HEXA: variants seen among roughly 807,000 people sequenced by gnomAD.
HEXA encodes the protein hexosaminidase subunit alpha.
HEXA carries 54 observed loss-of-function variants against 73.3 expected under a neutral mutation model. That is an observed-to-expected ratio of 0.74 (90% CI 0.59 to 0.92). HEXA has a LOEUF of 0.92. HEXA is among the 40% of genes least tolerant of loss of function. The pLI is 0.00. For missense variants in HEXA, 649 were observed against 653.0 expected (o/e 0.99, Z 0.07); for synonymous variants, 230 against 246.9 (o/e 0.93, Z 0.64).
At position 72,364,300 on chromosome 15, in the gene HEXA, G is replaced by GA. The variant is rs376639920; in HGVS notation, c.254-7684dup. ...AACCCCAAAACAAAAAACAAAAACA[G>GA]AAAAAAAAAATGGGATCCTAATACT... On this transcript the variant is annotated intron_variant, in intron 1 of 13. Coordinates refer to ENST00000268097, the MANE Select transcript of HEXA (RefSeq NM_000520.6). Among the ~76,000 whole-genome samples, 150 of 145,580 alleles carry GA rather than the reference G, an allele frequency of 1.0e-3. 2 individuals are homozygous for GA. The highest frequency in any genetic ancestry group is 3.5e-3 in the Middle Eastern group (1 of 288).
intron 8 of HEXA, among the ~76,000 whole-genome samples, 175 bp from the exon 9 acceptor site, chr15:72,348,309 G>T (rs777210056): frequency 2.6e-5 from 4 of 152,200 alleles, no homozygotes; most frequent in Non-Finnish European, 1.5e-5. Context: ...TGTGAAGCAG[G>T]TGGGCTGTTG....
chr15:72,366,581 G>C (rs907809348), intron 1 of HEXA, among the ~76,000 whole-genome samples: 1 of 152,114 alleles, frequency 6.6e-6, no homozygotes, highest in Non-Finnish European at 1.5e-5. Context: ...AAAGTGCTGG[G>C]ATTACAGGTG....
At chr15:72,365,250 C>G (rs187021870) in intron 1 of HEXA, among the ~76,000 whole-genome samples, 1 of 151,996 alleles carries the variant, frequency 6.6e-6, no homozygotes, top group African/African-American at 2.4e-5. Context: ...CCACCGTGCC[C>G]GGCTAATTTT....
intron 1 of HEXA, chr15:72,362,591 T>A: frequency 2.4e-6 from 1 of 409,808 alleles, no homozygotes; most frequent in South Asian, 1.8e-5. Context: ...ACCTAGTATT[T>A]CTGAAATCCT....
At chr15:72,372,424 A>T (rs2089006138) in intron 1 of HEXA, among the ~76,000 whole-genome samples, 1 of 152,194 alleles carries the variant, frequency 6.6e-6, no homozygotes. Context: ...GGACTTTATC[A>T]GCTCCATCAA....
At chr15:72,355,488 T>G in intron 3 of HEXA, 71 bp downstream of exon 3, 1 of 1,080,636 alleles carries the variant, frequency 9.3e-7, no homozygotes, top group Non-Finnish European at 1.4e-6. Context: ...ACTGGGCCAC[T>G]GCACTCCACC....
chr15:72,375,191 C>T (rs1441835855), intron 1 of HEXA, among the ~76,000 whole-genome samples: 7 of 151,924 alleles, frequency 4.6e-5, no homozygotes, highest in Non-Finnish European at 8.8e-5. Flanking sequence ...TGGGTTCAAC[C>T]GATTCTCCTG....
At chr15:72,358,925 C>T (rs1296179662) in intron 1 of HEXA, 2 of 152,310 alleles carry the variant, frequency 1.3e-5, no homozygotes, top group Admixed American at 6.5e-5. Flanking sequence ...GTAGTACAGC[C>T]GCCTCTACAC....
chr15:72,355,383 G>GCCAA, intron 3 of HEXA, 176 bp downstream of exon 3: 1 of 662,300 alleles, frequency 1.5e-6, no homozygotes, highest in Non-Finnish European at 2.8e-6. Context: ...AGAATTAGCT[G>GCCAA]GGCATGGTGG....
intron 8 of HEXA, 113 bp from the exon 9 acceptor site, chr15:72,348,247 A>C: frequency 2.6e-6 from 2 of 761,302 alleles, no homozygotes; most frequent in East Asian, 2.6e-5. Context: ...AAAATCAAAT[A>C]AGCAAGGATC....
chr15:72,363,439 C>A (rs139553768), intron 1 of HEXA, among the ~76,000 whole-genome samples: 84 of 152,264 alleles, frequency 5.5e-4, no homozygotes, highest in African/African-American at 2.0e-3. Context: ...CACCAAGCTA[C>A]CAAGAGGAGA....
At chr15:72,364,383 T>C (rs2088890158) in intron 1 of HEXA, among the ~76,000 whole-genome samples, 2 of 152,210 alleles carry the variant, frequency 1.3e-5, no homozygotes, top group Admixed American at 1.3e-4. Flanking sequence ...TTAATGTCAA[T>C]ATATATAGAT....
chr15:72,363,970 G>A (rs1452474783), intron 1 of HEXA, among the ~76,000 whole-genome samples: 2 of 151,996 alleles, frequency 1.3e-5, no homozygotes, highest in African/African-American at 4.8e-5. Flanking sequence ...ATAAAAATGG[G>A]CCCAGGCTAG....
At chr15:72,366,115 C>T (rs2088913058) in intron 1 of HEXA, among the ~76,000 whole-genome samples, 1 of 152,108 alleles carries the variant, frequency 6.6e-6, no homozygotes, top group Non-Finnish European at 1.5e-5. Flanking sequence ...CACCACTTCC[C>T]CTACAACATG....
rs759741558 is a variant in HEXA at position 72,343,983 on chromosome 15, A to C, written c.*94T>G. On this transcript the variant is annotated 3_prime_UTR_variant, in exon 14 of 14. Coordinates refer to ENST00000268097, the MANE Select transcript of HEXA (RefSeq NM_000520.6). The stretch of plus-strand genomic sequence containing the variant: ...CAGGGGCACGCAGGCAAGGGGCACG[A>C]AGGCAAGGGGCTCCGTCCCCTGGCC... The C allele has an allele frequency of 1.5e-4, 166 of 1,086,016 alleles. No individual in the cohort carries two copies. The highest frequency in any genetic ancestry group is 2.2e-4 in the Non-Finnish European group (157 of 704,376). The allele number at this position is 1,086,016 out of a possible 1,614,324, so 67.3% of individuals were successfully genotyped here.
rs1204984002 is a variant in HEXA at position 72,345,557 on chromosome 15, G to A, written c.1422-7C>T. The A allele has an allele frequency of 2.5e-6, 4 of 1,613,986 alleles. No individual in the cohort carries two copies. Among genetic ancestry groups the A allele is most frequent in the Non-Finnish European group, 3.4e-6 (4 of 1,180,026 alleles). On this transcript the variant is annotated splice_polypyrimidine_tract_variant and splice_region_variant and intron_variant, in intron 12 of 13. Transcript: ENST00000268097. Reference sequence around the variant, plus strand: ...AACAGCCCCTGCTCTGGGCCTGGAGGAAAAGGGGCATGTGCCAGATTGGGC... The same window carrying A: ...AACAGCCCCTGCTCTGGGCCTGGAGAAAAAGGGGCATGTGCCAGATTGGGC...
intron 7 of HEXA, 70 bp from the exon 8 acceptor site, chr15:72,349,329 G>T: frequency 8.2e-7 from 1 of 1,223,646 alleles, no homozygotes; most frequent in Non-Finnish European, 1.2e-6. Context: ...CTACACGTAA[G>T]GACACGAGTC....
At chr15:72,348,209 CCCCCT>C in intron 8 of HEXA, 75 bp from the exon 9 acceptor site, 7 of 956,922 alleles carry the variant, frequency 7.3e-6, no homozygotes, top group Non-Finnish European at 1.2e-5. Context: ...AGTCACCTGG[CCCCCT>C]ATAACTTCCT....
chr15:72,361,567 T>C (rs1467793264), intron 1 of HEXA, among the ~76,000 whole-genome samples: 2 of 152,098 alleles, frequency 1.3e-5, no homozygotes, highest in Non-Finnish European at 2.9e-5. Flanking sequence ...ATAAAACTAA[T>C]CTAACTCTTC....
Sources: gnomAD v4.1 joint callset for allele counts (sites outside exome capture counted in the v4.1 genomes callset) on GRCh38, gnomAD v4.1.1 for gene constraint, MANE v1.5 for transcripts, NCBI Gene and HGNC (gene_info 2026-07-23, HGNC 2026-07-21) for gene names.